CADM2: variants seen among roughly 807,000 people sequenced by gnomAD.
CADM2 encodes the protein immunoglobulin superfamily member 4D.
CADM2 carries 12 observed loss-of-function variants against 49.8 expected under a neutral mutation model. The observed-to-expected ratio is 0.24, with a 90% CI of 0.15 to 0.39. The LOEUF is 0.39. Ranked by LOEUF, CADM2 falls within the 10% of genes least tolerant of loss-of-function variation. The pLI is 1.00. For synonymous variants in CADM2, 214 were observed against 175.4 expected, an observed-to-expected ratio of 1.22 and a Z score of -1.74; for missense variants, 378 against 492.3, an observed-to-expected ratio of 0.77 and a Z score of 2.20.
chr3:85,595,351 A>G (rs1350182487), intron 1 of CADM2, among the ~76,000 whole-genome samples: 1 of 152,050 alleles, frequency 6.6e-6, no homozygotes, highest in African/African-American at 2.4e-5. Context: ...GACTTCTGAT[A>G]TTATCCAATT....
chr3:85,473,939 C>T (rs2107614177), intron 1 of CADM2, among the ~76,000 whole-genome samples: 1 of 151,970 alleles, frequency 6.6e-6, no homozygotes, highest in African/African-American at 2.4e-5. Context: ...CTTCTTTTAG[C>T]TAGTTTCCTT....
chr3:86,015,198 C>T (rs947237498), intron 8 of CADM2: 8 of 337,956 alleles, frequency 2.4e-5, no homozygotes, highest in African/African-American at 1.7e-4. Flanking sequence ...ACCTCTTAAT[C>T]ACTAAATGTC....
chr3:84,964,176 A>C (rs2030794390), intron 1 of CADM2, among the ~76,000 whole-genome samples: 1 of 152,230 alleles, frequency 6.6e-6, no homozygotes, highest in South Asian at 2.1e-4. Context: ...AAGACATTTG[A>C]AAACTATTTG....
chr3:85,871,996 C>T (rs1425048669), intron 3 of CADM2, among the ~76,000 whole-genome samples: 1 of 152,186 alleles, frequency 6.6e-6, no homozygotes, highest in Non-Finnish European at 1.5e-5. Context: ...CTTATTCTCT[C>T]CTGCATTGGA....
At chr3:84,971,082 T>A (rs949130821) in intron 1 of CADM2, among the ~76,000 whole-genome samples, 6 of 152,164 alleles carry the variant, frequency 3.9e-5, no homozygotes, top group Non-Finnish European at 8.8e-5. Context: ...TATACCTTCA[T>A]ATTTTCAAGA....
intron 1 of CADM2, among the ~76,000 whole-genome samples, chr3:85,072,163 T>C (rs2036771715): frequency 2.0e-5 from 3 of 151,920 alleles, no homozygotes; most frequent in Admixed American, 6.6e-5. Context: ...TTAAACATTC[T>C]TTTCTCATGT....
intron 1 of CADM2, among the ~76,000 whole-genome samples, chr3:85,666,619 G>T (rs575413401): frequency 2.5e-4 from 38 of 152,040 alleles, no homozygotes; most frequent in South Asian, 1.7e-3. Flanking sequence ...GAGAATAAAA[G>T]GGTATGACCT....
At chr3:84,987,894 A>G (rs150129994) in intron 1 of CADM2, among the ~76,000 whole-genome samples, 1 of 152,336 alleles carries the variant, frequency 6.6e-6, no homozygotes, top group African/African-American at 2.4e-5. Flanking sequence ...TGATAAGGAT[A>G]AATGAGCCCA....
At position 85,852,906 on chromosome 3, in the gene CADM2, A is replaced by G. The variant is rs28590157; in HGVS notation, c.239-30385A>G. Among the ~76,000 whole-genome samples the G allele has an allele frequency of 2.7e-3, 414 of 152,194 alleles. 1 individual carries two copies. The highest frequency in any genetic ancestry group is 9.6e-3 in the African/African-American group (400 of 41,562). ...CATTCAATCAATAAATTTTCTGCTGAATCAATTAATGGATGTAAACTGCTG... is the reference window on the plus strand; with the variant it reads ...CATTCAATCAATAAATTTTCTGCTGGATCAATTAATGGATGTAAACTGCTG... On this transcript the variant is annotated intron_variant, in intron 3 of 9. Coordinates refer to ENST00000383699, the MANE Select transcript of CADM2 (RefSeq NM_001167675.2).
At chr3:85,935,275 T>C (rs1037906061) in intron 6 of CADM2, among the ~76,000 whole-genome samples, 3 of 152,132 alleles carry the variant, frequency 2.0e-5, no homozygotes, top group African/African-American at 4.8e-5. Context: ...TGCTGCATCA[T>C]TGCATTTTGA....
At chr3:85,510,861 A>C (rs2040583473) in intron 1 of CADM2, among the ~76,000 whole-genome samples, 1 of 151,360 alleles carries the variant, frequency 6.6e-6, no homozygotes, top group African/African-American at 2.4e-5. Flanking sequence ...TCCTGGTCAC[A>C]AGGCAATCAA....
chr3:85,024,073 C>T (rs1455811177), intron 1 of CADM2, among the ~76,000 whole-genome samples: 2 of 152,032 alleles, frequency 1.3e-5, no homozygotes, highest in African/African-American at 4.8e-5. Flanking sequence ...CCAGCCATAG[C>T]ATTTTTAAAC....
Position 85,346,842 on chromosome 3 carries a change from G to T in CADM2, c.62-379680G>T, listed in dbSNP as rs557709625. Among the ~76,000 whole-genome samples the T allele has an allele frequency of 3.3e-5, 5 of 152,214 alleles. No homozygotes were observed. The South Asian group carries it at 8.3e-4, about 25-fold the overall frequency. On this transcript the variant is annotated intron_variant, in intron 1 of 9. Coordinates refer to ENST00000383699, the MANE Select transcript of CADM2 (RefSeq NM_001167675.2). ...AGTGTTAATATTTTATCTTTAGGGA[G>T]AAATTGCTTAAAACAGCATTCACAC...
intron 3 of CADM2, among the ~76,000 whole-genome samples, chr3:85,873,009 G>A (rs562705531): frequency 2.6e-5 from 4 of 152,274 alleles, no homozygotes; most frequent in African/African-American, 9.6e-5. Context: ...TGGTTCTGGA[G>A]GCTGAAGTGT....
At position 85,732,491 on chromosome 3, in the gene CADM2, G is replaced by A. The variant is rs184926589; in HGVS notation, c.88+5943G>A. Reference sequence around the variant, plus strand: ...TAGGGATTCAGGTGGAAGACCCCGAGCTAGTACCTTTAGGAAGATTGCCTT... The same window carrying A: ...TAGGGATTCAGGTGGAAGACCCCGAACTAGTACCTTTAGGAAGATTGCCTT... On this transcript the variant is annotated intron_variant, in intron 2 of 9. Coordinates refer to ENST00000383699, the MANE Select transcript of CADM2 (RefSeq NM_001167675.2). Among the ~76,000 whole-genome samples the A allele has an allele frequency of 1.8e-3, 267 of 152,248 alleles. 1 individual carries two copies. Among genetic ancestry groups the A allele is most frequent in the African/African-American group, 5.9e-3 (245 of 41,550 alleles).
intron 5 of CADM2, among the ~76,000 whole-genome samples, chr3:85,898,955 A>ATATATATATATATATATATATATATT (rs1475991339): frequency 2.9e-5 from 1 of 33,908 alleles, no homozygotes; most frequent in Non-Finnish European, 4.8e-5. Context: ...ATATATATAT[A>ATATATATATATATATATATATATATT]TTTTTTTTTT....
chr3:85,811,733 G>A (rs899031811), intron 3 of CADM2, among the ~76,000 whole-genome samples: 3 of 152,152 alleles, frequency 2.0e-5, no homozygotes, highest in Non-Finnish European at 2.9e-5. Context: ...GTAGAAGTGG[G>A]ATGATGAACT....
chr3:86,069,221 C>T lies in CADM2; in HGVS notation c.*2438C>T, dbSNP rs1210035019. 1 of 151,896 alleles carries T rather than the reference C, an allele frequency of 6.6e-6. No individual in the cohort carries two copies. Among genetic ancestry groups the T allele is most frequent in the Non-Finnish European group, 1.5e-5 (1 of 67,868 alleles). The allele number at this position is 151,896 out of a possible 1,614,324, so 9.4% of individuals were successfully genotyped here. ...AATAACTCAATCATTATTTATAGCA[C>T]TGTAAAATTAGAAATCCAAAATTGG... On this transcript the variant is annotated 3_prime_UTR_variant, in exon 10 of 10. Coordinates refer to ENST00000383699, the MANE Select transcript of CADM2 (RefSeq NM_001167675.2).
intron 1 of CADM2, among the ~76,000 whole-genome samples, chr3:85,592,218 A>C (rs2063126533): frequency 6.6e-6 from 1 of 151,986 alleles, no homozygotes; most frequent in African/African-American, 2.4e-5. Flanking sequence ...AAACACAAGA[A>C]GAGAGAAAAA....
Sources: gnomAD v4.1 joint callset for allele counts (sites outside exome capture counted in the v4.1 genomes callset) on GRCh38, gnomAD v4.1.1 for gene constraint, MANE v1.5 for transcripts, NCBI Gene and HGNC (gene_info 2026-07-23, HGNC 2026-07-21) for gene names.